YLPM1: variants seen among roughly 807,000 people sequenced by gnomAD.
The protein encoded by YLPM1 is YLP motif-containing protein 1.
A neutral mutation model predicts 230.0 loss-of-function variants in YLPM1; 99 were observed. That is an observed-to-expected ratio of 0.43 (90% CI 0.37 to 0.51). The LOEUF (loss-of-function observed/expected upper bound fraction) is 0.51, where lower values mean the gene tolerates loss of function less well. Among genes scored for constraint, YLPM1 ranks in the 20% least tolerant of loss-of-function variants. The pLI is 0.00. For synonymous variants in YLPM1, 984 were observed against 942.5 expected (o/e 1.04, Z -0.81); for missense variants, 2,592 against 2,707.7 (o/e 0.96, Z 0.95).
Position 74,802,648 on chromosome 14 carries a change from A to C in YLPM1, c.4493A>C (p.Asn1498Thr). 6.2e-7 allele frequency: 1 copy of C among 1,613,072 alleles called. No homozygotes were observed. The highest frequency in any genetic ancestry group is 8.5e-7 in the Non-Finnish European group (1 of 1,179,490). Residue 1498 changes from asparagine (N) to threonine (T), a missense_variant, in exon 6 of 21, where the codon AAT becomes ACT. Coordinates refer to ENST00000325680, the MANE Select transcript of YLPM1 (RefSeq NM_019589.3). Reference sequence around the variant, plus strand: ...CCACCTCAGGAATCAAGATTGCAGAATACATCTTCAAGACCTGGAATGTAT... The same window carrying C: ...CCACCTCAGGAATCAAGATTGCAGACTACATCTTCAAGACCTGGAATGTAT... ...HLPPQESRLQNTSSRPGMYPP... is the reference protein window; with the variant it reads ...HLPPQESRLQTTSSRPGMYPP...
At chr14:74,772,240 GAGAT>G (rs1193609014) in intron 1 of YLPM1, among the ~76,000 whole-genome samples, 2 of 148,830 alleles carry the variant, frequency 1.3e-5, no homozygotes, top group Non-Finnish European at 3.0e-5. Context: ...TTTTCTCAGA[GAGAT>G]GGGATCTTGC....
At chr14:74,788,036 A>G (rs1346683682) in intron 4 of YLPM1, among the ~76,000 whole-genome samples, 1 of 152,202 alleles carries the variant, frequency 6.6e-6, no homozygotes, top group Non-Finnish European at 1.5e-5. Flanking sequence ...TAGTGAAAAA[A>G]ATGTTAAAGA....
chr14:74,766,629 C>T (rs1194303078), intron 1 of YLPM1, among the ~76,000 whole-genome samples: 1 of 148,270 alleles, frequency 6.7e-6, no homozygotes, highest in Non-Finnish European at 1.5e-5. Flanking sequence ...TGCCACCATG[C>T]CTGGCTATTT....
At chr14:74,774,389 T>C (rs2091011082) in intron 1 of YLPM1, among the ~76,000 whole-genome samples, 1 of 151,970 alleles carries the variant, frequency 6.6e-6, no homozygotes, top group African/African-American at 2.4e-5. Flanking sequence ...CCTGCGACCA[T>C]GGCCCAGCTA....
chr14:74,799,017 G>C lies in YLPM1; in HGVS notation c.3720G>C (p.Glu1240Asp). The C allele has an allele frequency of 6.2e-7, 1 of 1,613,972 alleles. No individual in the cohort carries two copies. Among genetic ancestry groups the C allele is most frequent in the Non-Finnish European group, 8.5e-7 (1 of 1,179,886 alleles). ...GTGACTATCAAGATGATACACTAGA[G>C]CTCTATAACAGAGAGGACAGGTTCT... ...CERDYQDDTL[E>D]LYNREDRFSA... The change falls in exon 5 of 21, where the codon GAG (glutamate) becomes GAC (aspartate). Residue 1240 changes from glutamate (E) to aspartate (D), a missense_variant. Physicochemically the swap from Glu to Asp is conservative, Grantham distance 45. This residue lies in a region of YLPM1 where 1,862 missense variants were observed against 1,819.8 expected (regional missense o/e 1.02). Coordinates refer to ENST00000325680, the MANE Select transcript of YLPM1 (RefSeq NM_019589.3).
intron 1 of YLPM1, among the ~76,000 whole-genome samples, chr14:74,768,093 A>G (rs2090931376): frequency 6.6e-6 from 1 of 152,108 alleles, no homozygotes; most frequent in Non-Finnish European, 1.5e-5. Context: ...CATTTCTTCC[A>G]CAGTTACTAT....
chr14:74,783,687 T>G (rs1319417076), intron 4 of YLPM1, among the ~76,000 whole-genome samples: 1 of 152,196 alleles, frequency 6.6e-6, no homozygotes, highest in Non-Finnish European at 1.5e-5. Flanking sequence ...AAAATATATC[T>G]TTTATTCCCC....
chr14:74,802,802 TA>T, intron 6 of YLPM1, 126 bp downstream of exon 6: 1 of 1,224,520 alleles, frequency 8.2e-7, no homozygotes, highest in Non-Finnish European at 1.1e-6. Context: ...TTTGGAAACT[TA>T]AAAGTTTATG....
intron 1 of YLPM1, among the ~76,000 whole-genome samples, chr14:74,776,996 C>T (rs1028628789): frequency 6.6e-6 from 1 of 151,890 alleles, no homozygotes; most frequent in African/African-American, 2.4e-5. Context: ...GCGGAGGTGG[C>T]AGTGAGCTGA....
chr14:74,802,601 G>A lies in YLPM1; in HGVS notation c.4446G>A (p.Glu1482=), dbSNP rs2091339034. Residue 1482 remains glutamate (E), a synonymous_variant, in exon 6 of 21, where the codon GAG becomes GAA. Coordinates refer to ENST00000325680, the MANE Select transcript of YLPM1 (RefSeq NM_019589.3). ...QLQKMKDFGS[E]PQMADHLPPQ... ...AAAAGATGAAAGACTTCGGGTCTGA[G>A]CCACAGATGGCTGACCATCTACCAC... is the stretch of plus-strand genomic sequence containing the variant. 1 of 1,613,418 alleles carries A rather than the reference G, an allele frequency of 6.2e-7. No individual in the cohort carries two copies. Among genetic ancestry groups the A allele is most frequent in the Non-Finnish European group, 8.5e-7 (1 of 1,179,672 alleles).
intron 13 of YLPM1, 64 bp downstream of exon 13, chr14:74,816,754 G>A: frequency 6.5e-7 from 1 of 1,527,198 alleles, no homozygotes; most frequent in Non-Finnish European, 8.8e-7. Flanking sequence ...AATGTGTTTG[G>A]AGAGAAATGT....
At position 74,764,181 on chromosome 14, in the gene YLPM1, C is replaced by T; in HGVS notation, c.692C>T (p.Ser231Phe). The stretch of plus-strand genomic sequence containing the variant: ...TCCTACTTGCCCTCTTCTCAGGCAT[C>T]TCCTTCCCGCCCCTCCCAGGGCCAT... ...SQSYLPSSQA[S>F]PSRPSQGHSK... The change falls in exon 1 of 21, where the codon TCT (serine) becomes TTT (phenylalanine). Residue 231 changes from serine (S) to phenylalanine (F), a missense_variant. Physicochemically the swap from Ser to Phe is radical, Grantham distance 155. Around this residue, in one of 4 missense-constraint regions of YLPM1, gnomAD observed 1,862 missense variants for 1,819.8 expected, o/e 1.02. Transcript: ENST00000325680. The T allele has an allele frequency of 6.2e-7, 1 of 1,613,660 alleles. No individual in the cohort carries two copies. Among genetic ancestry groups the T allele is most frequent in the Non-Finnish European group, 8.5e-7 (1 of 1,179,844 alleles).
At chr14:74,766,460 T>C (rs2090912042) in intron 1 of YLPM1, among the ~76,000 whole-genome samples, 1 of 152,054 alleles carries the variant, frequency 6.6e-6, no homozygotes. Flanking sequence ...CATGTTTACT[T>C]CACCTAGGCC....
rs764194709 is a variant in YLPM1 at position 74,810,259 on chromosome 14, AAG to A, written c.5071_5072del (p.Asp1691SerfsTer2). On this transcript the variant is annotated frameshift_variant, in exon 9 of 21. Coordinates refer to ENST00000325680, the MANE Select transcript of YLPM1 (RefSeq NM_019589.3). LOFTEE classifies it high-confidence loss of function. The part of the protein sequence containing the change: ...AGQRDRYDRE[R>X]DREPYFDRQS... The stretch of plus-strand genomic sequence containing the variant: ...GCCAACGTGATCGTTATGATAGAGA[AAG>A]AGATCGTGAGCCTTATTTTGATCGT... 1 of 1,613,948 alleles carries A rather than the reference AAG, an allele frequency of 6.2e-7. No homozygotes were observed. Among genetic ancestry groups the A allele is most frequent in the Non-Finnish European group, 8.5e-7 (1 of 1,179,872 alleles).
rs201815018 is a variant in YLPM1 at position 74,782,100 on chromosome 14, A to G, written c.2057A>G (p.His686Arg). 7.2e-5 allele frequency: 116 copies of G among 1,613,844 alleles called. No homozygotes were observed. The highest frequency in any genetic ancestry group is 1.3e-4 in the Admixed American group (8 of 60,000). ...GGTTCTGCCCCACCGACAACTTACC[A>G]TCCTCCGTTGCAATCAGCTGGTCCA... is the stretch of plus-strand genomic sequence containing the variant. ...SFGSAPPTTYHPPLQSAGPSE... is the reference protein window; with the variant it reads ...SFGSAPPTTYRPPLQSAGPSE... The change falls in exon 4 of 21, where the codon CAT becomes CGT. Residue 686 changes from histidine to arginine, a missense_variant. By Grantham distance (29) the His-to-Arg change is conservative. Around this residue, in one of 4 missense-constraint regions of YLPM1, gnomAD observed 1,862 missense variants for 1,819.8 expected, o/e 1.02. Coordinates refer to ENST00000325680, the MANE Select transcript of YLPM1 (RefSeq NM_019589.3).
In YLPM1 at chr14:74,780,461, C is replaced by G; in HGVS notation, c.1167C>G (p.His389Gln). The change falls in exon 3 of 21, where the codon CAC becomes CAG. Residue 389 changes from histidine to glutamine, a missense_variant. By Grantham distance (24) the His-to-Gln change is conservative. This residue lies in a region of YLPM1 where 1,862 missense variants were observed against 1,819.8 expected (regional missense o/e 1.02). Transcript: ENST00000325680. Reference sequence around the variant, plus strand: ...AGCAGTTGCAGGCTGCAGCAGCACACTGGCAGCAGCACCAGCAGCATCGAG... The same window carrying G: ...AGCAGTTGCAGGCTGCAGCAGCACAGTGGCAGCAGCACCAGCAGCATCGAG... ...RLKQLQAAAAHWQQHQQHRVG... is the reference protein window; with the variant it reads ...RLKQLQAAAAQWQQHQQHRVG... The G allele has an allele frequency of 6.2e-7, 1 of 1,613,928 alleles. No homozygotes were observed. Among genetic ancestry groups the G allele is most frequent in the South Asian group, 1.1e-5 (1 of 91,076 alleles).
intron 1 of YLPM1, among the ~76,000 whole-genome samples, chr14:74,777,464 A>T (rs1003080828): frequency 1.1e-4 from 16 of 151,410 alleles, no homozygotes; most frequent in African/African-American, 3.9e-4. Context: ...CTACTCGGGA[A>T]GCTGAGGCAG....
intron 19 of YLPM1, among the ~76,000 whole-genome samples, chr14:74,834,450 G>A (rs2091629236): frequency 6.6e-6 from 1 of 152,228 alleles, no homozygotes; most frequent in Non-Finnish European, 1.5e-5. Flanking sequence ...TATTGATCTA[G>A]GGTGTTGATA....
chr14:74,792,157 C>G (rs2091213420), intron 4 of YLPM1, among the ~76,000 whole-genome samples: 1 of 152,146 alleles, frequency 6.6e-6, no homozygotes, highest in Admixed American at 6.5e-5. Context: ...TATATACTCT[C>G]CATCCTTAGC....
Sources: allele counts gnomAD v4.1 joint callset (sites outside exome capture counted in the v4.1 genomes callset), GRCh38; gene constraint gnomAD v4.1.1; regional missense constraint gnomAD v4.1.1; transcripts MANE v1.5; gene names NCBI Gene and HGNC (gene_info 2026-07-23, HGNC 2026-07-21).